Variants in TENM2 observed in about 807,000 individuals in gnomAD.
TENM2 encodes the protein teneurin transmembrane protein 2, also known as teneurin-2.
TENM2 carries 52 observed loss-of-function variants against 245.2 expected under a neutral mutation model. That is an observed-to-expected ratio of 0.21 (90% CI 0.17 to 0.27). The LOEUF (loss-of-function observed/expected upper bound fraction) is 0.27, where lower values mean the gene tolerates loss of function less well. Among genes scored for constraint, TENM2 ranks in the 10% least tolerant of loss-of-function variants. TENM2 has a pLI of 1.00. For synonymous variants in TENM2, 1,363 were observed against 1,438.9 expected (o/e 0.95, Z 1.19); for missense variants, 3,046 against 3,666.8 (o/e 0.83, Z 4.37).
chr5:167,678,818 C>G (rs1250865889), intron 2 of TENM2, among the ~76,000 whole-genome samples: 2 of 152,044 alleles, frequency 1.3e-5, no homozygotes, highest in Non-Finnish European at 2.9e-5. Context: ...CTATCTAGCT[C>G]CAGCCTAAAT....
chr5:167,832,891 G>A (rs537954313), intron 2 of TENM2, among the ~76,000 whole-genome samples: 204 of 151,294 alleles, frequency 1.3e-3, no homozygotes, highest in Non-Finnish European at 2.5e-3. Flanking sequence ...AGTATTTGCT[G>A]CACAGAAATC....
intron 7 of TENM2, among the ~76,000 whole-genome samples, chr5:168,083,116 G>A (rs555860269): frequency 3.3e-5 from 5 of 152,288 alleles, no homozygotes; most frequent in South Asian, 4.1e-4. Context: ...CGAGCTTCCC[G>A]GCCACTTTGT....
chr5:168,125,644 T>C (rs1795796140), intron 11 of TENM2, among the ~76,000 whole-genome samples: 1 of 151,814 alleles, frequency 6.6e-6, no homozygotes, highest in South Asian at 2.1e-4. Context: ...TCCGCCCCCT[T>C]CCTCTGGGTA....
chr5:167,851,775 AG>A (rs1770604034), intron 2 of TENM2, among the ~76,000 whole-genome samples: 1 of 152,186 alleles, frequency 6.6e-6, no homozygotes, highest in Non-Finnish European at 1.5e-5. Flanking sequence ...GAGGAAGAAA[AG>A]GAAATAGGAA....
At chr5:167,207,211 TGG>T in the TENM2 span, among the ~76,000 whole-genome samples, 3 of 152,170 alleles carry the variant, frequency 2.0e-5, no homozygotes, top group Non-Finnish European at 4.4e-5. Context: ...GACTTCCCCA[TGG>T]ACTGGGAACC....
intron 5 of TENM2, among the ~76,000 whole-genome samples, chr5:168,009,309 GC>G (rs1785053594): frequency 6.6e-6 from 1 of 152,176 alleles, no homozygotes; most frequent in Admixed American, 6.5e-5. Flanking sequence ...TTGGTTAGAG[GC>G]AGGTTTGAAA....
At chr5:167,856,017 G>A (rs1047428973) in intron 2 of TENM2, among the ~76,000 whole-genome samples, 5 of 152,186 alleles carry the variant, frequency 3.3e-5, no homozygotes. Flanking sequence ...GGCTGGTCTA[G>A]GAACTCTGAT....
At chr5:167,254,038 G>A in the TENM2 span, among the ~76,000 whole-genome samples, 4 of 151,750 alleles carry the variant, frequency 2.6e-5, no homozygotes, top group African/African-American at 9.7e-5. Context: ...TGCTCTCACC[G>A]AGATATTTAA....
chr5:167,097,142 G>T, the TENM2 span, among the ~76,000 whole-genome samples: 2 of 152,234 alleles, frequency 1.3e-5, no homozygotes, highest in East Asian at 3.9e-4. Context: ...GCTTGTCAGT[G>T]GTGGGTGTTT....
chr5:167,874,809 G>A (rs1282043822), intron 2 of TENM2, among the ~76,000 whole-genome samples: 2 of 152,306 alleles, frequency 1.3e-5, no homozygotes, highest in African/African-American at 2.4e-5. Context: ...CTTGACCCAA[G>A]GGCCGCTCCA....
At chr5:167,588,801 A>G (rs1775681857) in intron 2 of TENM2, among the ~76,000 whole-genome samples, 1 of 152,232 alleles carries the variant, frequency 6.6e-6, no homozygotes, top group African/African-American at 2.4e-5. Context: ...TGGTTACTCA[A>G]CAAGTGGAAT....
At chr5:167,147,398 T>C in the TENM2 span, among the ~76,000 whole-genome samples, 1 of 152,192 alleles carries the variant, frequency 6.6e-6, no homozygotes, top group African/African-American at 2.4e-5. Flanking sequence ...TTTTTGTGGG[T>C]ATTCGGATGT....
At chr5:167,142,501 A>G in the TENM2 span, among the ~76,000 whole-genome samples, 6 of 151,804 alleles carry the variant, frequency 4.0e-5, no homozygotes. Flanking sequence ...AATAAAGACT[A>G]AGAACAAACA....
At chr5:167,546,470 G>A (rs1385227957) in intron 2 of TENM2, among the ~76,000 whole-genome samples, 5 of 152,142 alleles carry the variant, frequency 3.3e-5, no homozygotes, top group African/African-American at 9.7e-5. Context: ...TCAAGAAATG[G>A]AGTCTGGTGC....
intron 2 of TENM2, among the ~76,000 whole-genome samples, chr5:167,554,750 G>A (rs561309539): frequency 1.3e-5 from 2 of 152,304 alleles, no homozygotes; most frequent in East Asian, 3.9e-4. Flanking sequence ...CCCAGGGCCT[G>A]TATTCCTAAC....
At chr5:167,659,503 A>T (rs1213252268) in intron 2 of TENM2, among the ~76,000 whole-genome samples, 1 of 152,216 alleles carries the variant, frequency 6.6e-6, no homozygotes, top group Admixed American at 6.5e-5. Flanking sequence ...ACTTTCCTTT[A>T]TACATTTATC....
In TENM2 at chr5:168,201,820, A is replaced by G. The variant is rs188267735; in HGVS notation, c.3430+1689A>G. Among the ~76,000 whole-genome samples the G allele has an allele frequency of 1.6e-4, 24 of 152,150 alleles. 1 individual carries two copies. The East Asian group carries it at 4.6e-3, about 29-fold the overall frequency. Reference sequence around the variant, plus strand: ...ACCTTTATAATTTATTTGTTGAAGAAATTGGGTTGTACAATTTCCCATATA... The same window carrying G: ...ACCTTTATAATTTATTTGTTGAAGAGATTGGGTTGTACAATTTCCCATATA... On this transcript the variant is annotated intron_variant, in intron 17 of 28. Coordinates refer to ENST00000518659, the Ensembl canonical transcript of TENM2.
chr5:167,294,891 C>T (rs1208458250), intron 1 of TENM2, among the ~76,000 whole-genome samples: 2 of 152,136 alleles, frequency 1.3e-5, no homozygotes, highest in South Asian at 2.1e-4. Flanking sequence ...TTGTGGAATA[C>T]CTCTCTGCCT....
intron 2 of TENM2, among the ~76,000 whole-genome samples, chr5:167,478,801 G>T (rs945351322): frequency 2.0e-5 from 3 of 152,072 alleles, no homozygotes; most frequent in Non-Finnish European, 4.4e-5. Context: ...TCTCGGTTTT[G>T]CATTTTTCTT....
Sources: allele counts gnomAD v4.1 joint callset (sites outside exome capture counted in the v4.1 genomes callset), GRCh38; gene constraint gnomAD v4.1.1; transcripts MANE v1.5; gene names NCBI Gene and HGNC (gene_info 2026-07-23, HGNC 2026-07-21).